The following TLR6 variants were observed in gnomAD, a reference collection of about 807,000 sequenced individuals.
TLR6 encodes the protein toll-like receptor 6.
A neutral mutation model predicts 16.1 loss-of-function variants in TLR6; 9 were observed. The observed-to-expected ratio is 0.56, with a 90% CI of 0.34 to 0.98. The LOEUF is 0.98. Ranked by LOEUF, TLR6 falls within the 50% of genes least tolerant of loss-of-function variation. The pLI is 0.02. For missense variants in TLR6, 786 were observed against 921.0 expected, an observed-to-expected ratio of 0.85 and a Z score of 1.90; for synonymous variants, 340 against 338.6, an observed-to-expected ratio of 1.00 and a Z score of -0.04.
chr4:38,833,617 A>T lies in TLR6; in HGVS notation c.-64-4080T>A, dbSNP rs564470418. On this transcript the variant is annotated intron_variant, in intron 1 of 1. Transcript: ENST00000436693. The stretch of plus-strand genomic sequence containing the variant: ...TATTACATCAGATCCATAGATATCA[A>T]CATAAGGACACAAGAAATACAAAAG... Among the ~76,000 whole-genome samples, 10 of 152,352 alleles carry T rather than the reference A, an allele frequency of 6.6e-5. No individual in the cohort carries two copies. In the East Asian group the frequency reaches 1.7e-3, roughly 26 times the overall value.
chr4:38,838,926 AG>A (rs1278836839), intron 1 of TLR6, among the ~76,000 whole-genome samples: 1 of 103,260 alleles, frequency 9.7e-6, no homozygotes, highest in African/African-American at 4.1e-5. Context: ...GGAGGGAGGG[AG>A]GGAAGGAAGG....
At chr4:38,868,031 A>AGG in the TLR6 span, 5 of 425,022 alleles carry the variant, frequency 1.2e-5, no homozygotes, top group Admixed American at 4.8e-5. Context: ...GGCGCGGCCG[A>AGG]GGGACCTGCG....
chr4:38,852,012 G>A (rs1216244940), intron 1 of TLR6, among the ~76,000 whole-genome samples: 4 of 152,148 alleles, frequency 2.6e-5, no homozygotes, highest in Non-Finnish European at 2.9e-5. Context: ...AAACAGCATG[G>A]TACTGGTACC....
At chr4:38,852,335 C>A (rs1712802190) in intron 1 of TLR6, among the ~76,000 whole-genome samples, 1 of 152,126 alleles carries the variant, frequency 6.6e-6, no homozygotes. Flanking sequence ...GACTTCAAGT[C>A]TAAAACACCA....
At chr4:38,862,996 A>G in the TLR6 span, among the ~76,000 whole-genome samples, 1 of 150,124 alleles carries the variant, frequency 6.7e-6, no homozygotes, top group Admixed American at 6.7e-5. Context: ...GCTCCTCTAT[A>G]TACCAGAACT....
intron 1 of TLR6, among the ~76,000 whole-genome samples, chr4:38,835,512 C>T (rs1445407398): frequency 2.6e-5 from 4 of 152,142 alleles, no homozygotes; most frequent in Non-Finnish European, 5.9e-5. Context: ...GACTCCAATA[C>T]AATAATGGTT....
At chr4:38,858,796 A>AGAGAGAGAGAGG (rs1560274571), upstream of TLR6, among the ~76,000 whole-genome samples, 482 of 69,876 alleles carry the variant, frequency 6.9e-3, 44 homozygotes, top group Non-Finnish European at 0.011. Context: ...AGAGAGGGAG[A>AGAGAGAGAGAGG]GAGAGAGAGA....
chr4:38,841,485 G>A (rs1712259694), intron 1 of TLR6, among the ~76,000 whole-genome samples: 2 of 152,188 alleles, frequency 1.3e-5, no homozygotes, highest in Non-Finnish European at 2.9e-5. Flanking sequence ...CAGCTACTAG[G>A]GAGGCTGAAG....
At chr4:38,858,741 A>AGAGAGAGAGAGAGAGGGAGAG (rs1713088804), upstream of TLR6, among the ~76,000 whole-genome samples, 1 of 100,038 alleles carries the variant, frequency 1.0e-5, no homozygotes, top group African/African-American at 3.9e-5. Context: ...GAAAGAAAGA[A>AGAGAGAGAGAGAGAGGGAGAG]AGAGAGAGAG....
intron 1 of TLR6, among the ~76,000 whole-genome samples, chr4:38,840,174 T>A (rs568529829): frequency 1.5e-4 from 23 of 152,346 alleles, no homozygotes; most frequent in African/African-American, 5.5e-4. Context: ...GGCCACATAA[T>A]GTGGCAATGA....
intron 1 of TLR6, among the ~76,000 whole-genome samples, chr4:38,850,564 C>T (rs927062734): frequency 1.3e-5 from 2 of 152,178 alleles, no homozygotes; most frequent in Non-Finnish European, 2.9e-5. Context: ...ACTGATCCCA[C>T]AGAAATACAA....
chr4:38,824,616 A>G (rs1298408592), exon 2 of TLR6: 1 of 152,140 alleles, frequency 6.6e-6, no homozygotes, highest in Non-Finnish European at 1.5e-5. Flanking sequence ...AGATTAGGCA[A>G]CAGTTTAAAA....
intron 1 of TLR6, among the ~76,000 whole-genome samples, chr4:38,841,625 T>C (rs1220618646): frequency 1.3e-5 from 2 of 152,320 alleles, no homozygotes; most frequent in East Asian, 1.9e-4. Flanking sequence ...TTTTTGCCCA[T>C]CTGCATTTGT....
At chr4:38,858,775 GGGAGAGAGAGAGAGAGGGA>G (rs1560274502), upstream of TLR6, among the ~76,000 whole-genome samples, 9,939 of 79,086 alleles carry the variant, frequency 0.13, 1,484 homozygotes, top group Middle Eastern at 0.35. Flanking sequence ...GAGAGAGAGA[GGGAGAGAGAGAGAGAGGGA>G]GAGAGAGAGA....
intron 1 of TLR6, chr4:38,843,757 G>C (rs1712391346): frequency 6.6e-6 from 1 of 152,154 alleles, no homozygotes; most frequent in Admixed American, 6.5e-5. Context: ...AACACCCACA[G>C]AGACACACAT....
chr4:38,836,890 AGATT>A (rs1711952904), intron 1 of TLR6, among the ~76,000 whole-genome samples: 1 of 151,370 alleles, frequency 6.6e-6, no homozygotes, highest in South Asian at 2.1e-4. Context: ...TAGTGAGCTG[AGATT>A]GTGCCACTGC....
At chr4:38,855,318 T>C (rs77700216) in intron 1 of TLR6, among the ~76,000 whole-genome samples, 4,907 of 152,008 alleles carry the variant, frequency 0.032, 227 homozygotes, top group African/African-American at 0.09. Context: ...TGTGATGAAA[T>C]ATACCAAATA....
At position 38,828,710 on chromosome 4, in the gene TLR6, G is replaced by A. The variant is rs5743811; in HGVS notation, c.764C>T (p.Thr255Ile). 2,075 of 1,614,106 alleles carry A rather than the reference G, an allele frequency of 1.3e-3. 2 individuals are homozygous for A. Among genetic ancestry groups the A allele is most frequent in the Middle Eastern group, 3.5e-3 (21 of 6,060 alleles). ...CCAAGTCGTTTCTATGTGGTTGAGG[G>A]TAAAATTCAGTAAGGTTGAACCTCT... The change falls in exon 2 of 2, where the codon ACC becomes ATC. Residue 255 changes from threonine to isoleucine, a missense_variant. By Grantham distance (89) the Thr-to-Ile change is moderately conservative (BLOSUM62 -1). Transcript: ENST00000436693.
At chr4:38,850,953 C>T (rs545580262) in intron 1 of TLR6, among the ~76,000 whole-genome samples, 7 of 152,242 alleles carry the variant, frequency 4.6e-5, no homozygotes, top group African/African-American at 1.7e-4. Context: ...ACCAATATCC[C>T]TGATGAACAT....
Sources: allele counts gnomAD v4.1 joint callset (sites outside exome capture counted in the v4.1 genomes callset), GRCh38; gene constraint gnomAD v4.1.1; transcripts MANE v1.5; gene names NCBI Gene and HGNC (gene_info 2026-07-23, HGNC 2026-07-21).